The following TDRD12 variants were observed in gnomAD, a reference collection of about 807,000 sequenced individuals.
TDRD12 encodes putative ATP-dependent RNA helicase TDRD12.
A neutral mutation model predicts 133.5 loss-of-function variants in TDRD12; 158 were observed. That is an observed-to-expected ratio of 1.18 (90% CI 1.04 to 1.35). The LOEUF is 1.35. TDRD12 is among the 40% of genes most tolerant of loss of function. The pLI, the probability that TDRD12 is intolerant of heterozygous loss-of-function variation, is 0.00. For synonymous variants in TDRD12, 460 were observed against 477.9 expected (o/e 0.96, Z 0.49); for missense variants, 1,443 against 1,321.3 (o/e 1.09, Z -1.43).
At chr19:32,794,850 G>T in intron 14 of TDRD12, 37 bp downstream of exon 14, 1 of 688,408 alleles carries the variant, frequency 1.5e-6, no homozygotes, top group Non-Finnish European at 2.6e-6. Context: ...AACCAAATGG[G>T]TTAAATATTT....
At chr19:32,757,047 G>T in exon 8 of TDRD12, 1 of 1,551,464 alleles carries the variant, frequency 6.4e-7, no homozygotes. Context: ...GATTCACATG[G>T]TGTAAATTTT....
At position 32,790,956 on chromosome 19, in the gene TDRD12, T is replaced by C; in HGVS notation, c.1183-8T>C. ...GACACTGGTTGTCTAATGCACACGT[T>C]CTCTCAGTTGCAGAAGCTGAAGGGC... On this transcript the variant is annotated splice_region_variant and splice_polypyrimidine_tract_variant and intron_variant, in intron 12 of 27. Transcript: ENST00000444215. 6.5e-7 allele frequency: 1 copy of C among 1,535,170 alleles called. No individual in the cohort carries two copies. Among genetic ancestry groups the C allele is most frequent in the Non-Finnish European group, 8.7e-7 (1 of 1,146,702 alleles).
In TDRD12 at chr19:32,826,489, G is replaced by A. The variant is rs184635180; in HGVS notation, c.941G>A (p.Arg314Gln). The change falls in exon 9 of 10, where the codon CGG becomes CAG. Residue 314 changes from arginine (R) to glutamine (Q), a missense_variant. Physicochemically the swap from Arg to Gln is conservative, Grantham distance 43. Transcript: ENST00000637289. ...TTTTACCTGGCTGATCTGGAGCTGC[G>A]GGGCAACATAAGGAAAGATGACTGC... The A allele has an allele frequency of 2.4e-4, 297 of 1,251,440 alleles. No homozygotes were observed. In the East Asian group the frequency reaches 3.8e-3, roughly 16 times the overall value. The allele number at this position is 1,251,440 out of a possible 1,614,324, so 77.5% of individuals were successfully genotyped here.
chr19:32,784,949 G>T (rs964703124), intron 11 of TDRD12, among the ~76,000 whole-genome samples: 4 of 151,914 alleles, frequency 2.6e-5, no homozygotes, highest in Non-Finnish European at 5.9e-5. Flanking sequence ...TAGATTCATT[G>T]ATTTTTTTGA....
chr19:32,810,032 G>C (rs1052256493), intron 22 of TDRD12, 61 bp from the exon 23 acceptor site: 1 of 1,057,168 alleles, frequency 9.5e-7, no homozygotes, highest in Non-Finnish European at 1.3e-6. Context: ...TACAGGGAAT[G>C]TGTACATATC....
At chr19:32,746,547 A>T (rs1300159474) in intron 4 of TDRD12, among the ~76,000 whole-genome samples, 8 of 131,404 alleles carry the variant, frequency 6.1e-5, no homozygotes, top group South Asian at 2.6e-4. Flanking sequence ...GGGGAGAGAG[A>T]CTGGCTGATG....
In TDRD12 at chr19:32,724,403, T is replaced by C. The variant is rs528272591; in HGVS notation, c.24+4307T>C. 3.3e-5 allele frequency among the ~76,000 whole-genome samples: 5 copies of C among 152,194 alleles called. No homozygotes were observed. In the South Asian group the frequency reaches 1.0e-3, roughly 32 times the overall value. On this transcript the variant is annotated intron_variant, in intron 1 of 27. Coordinates refer to ENST00000444215, the Ensembl canonical transcript of TDRD12. ...CTCCCCTCTGTCCCATAGGCCCCAG[T>C]GTGTGGTTCCCCTCCCTGTGTCCAT... is the stretch of plus-strand genomic sequence containing the variant.
chr19:32,790,258 A>G (rs1183767081), intron 11 of TDRD12, among the ~76,000 whole-genome samples: 1 of 152,216 alleles, frequency 6.6e-6, no homozygotes, highest in African/African-American at 2.4e-5. Context: ...TTTCTCATCC[A>G]TAAAATAAAG....
At chr19:32,796,517 G>A (rs1157130214) in intron 14 of TDRD12, among the ~76,000 whole-genome samples, 2 of 151,992 alleles carry the variant, frequency 1.3e-5, no homozygotes, top group Non-Finnish European at 2.9e-5. Context: ...CCTGGGAGGC[G>A]GAGGTTGCGG....
exon 3 of TDRD12, chr19:32,738,878 A>G (rs1969304765): frequency 6.4e-7 from 1 of 1,551,330 alleles, no homozygotes; most frequent in Non-Finnish European, 8.7e-7. Context: ...TATTGTGAGG[A>G]GCTAAAGTGC....
intron 22 of TDRD12, among the ~76,000 whole-genome samples, chr19:32,809,451 C>T (rs1387130172): frequency 6.6e-6 from 1 of 152,218 alleles, no homozygotes; most frequent in East Asian, 1.9e-4. Context: ...CCGGTCCTCT[C>T]CCCTATCCTG....
chr19:32,773,465 T>C, exon 10 of TDRD12: 1 of 1,551,786 alleles, frequency 6.4e-7, no homozygotes, highest in Non-Finnish European at 8.7e-7. Context: ...GCGTGTTGAA[T>C]CCTCAGTGTA....
At chr19:32,802,756 G>C in exon 20 of TDRD12, 1 of 1,536,678 alleles carries the variant, frequency 6.5e-7, no homozygotes, top group Non-Finnish European at 8.7e-7. Context: ...GTGGACGCCT[G>C]TATTGCATGT....
intron 6 of TDRD12, among the ~76,000 whole-genome samples, chr19:32,752,469 C>T (rs1280922545): frequency 6.6e-6 from 1 of 152,146 alleles, no homozygotes; most frequent in African/African-American, 2.4e-5. Context: ...CGTGAGCCAC[C>T]GTGCCTGGCC....
intron 1 of TDRD12, among the ~76,000 whole-genome samples, chr19:32,724,660 T>G (rs937373900): frequency 2.0e-5 from 3 of 152,216 alleles, no homozygotes; most frequent in Non-Finnish European, 4.4e-5. Flanking sequence ...GTCTTTGCTA[T>G]TGTGACTAGT....
intron 1 of TDRD12, among the ~76,000 whole-genome samples, chr19:32,721,958 C>T (rs561860123): frequency 3.5e-4 from 53 of 151,756 alleles, no homozygotes; most frequent in East Asian, 1.9e-4. Flanking sequence ...CCTCGTGATC[C>T]ACCCGCCTCG....
intron 6 of TDRD12, among the ~76,000 whole-genome samples, chr19:32,750,430 T>A (rs1969789696): frequency 6.6e-6 from 1 of 152,170 alleles, no homozygotes; most frequent in Non-Finnish European, 1.5e-5. Context: ...TAACCATGGA[T>A]TTTTTAAAAA....
intron 8 of TDRD12, among the ~76,000 whole-genome samples, chr19:32,770,374 G>T (rs1254464804): frequency 6.6e-6 from 1 of 151,782 alleles, no homozygotes; most frequent in Non-Finnish European, 1.5e-5. Flanking sequence ...GCCTCCTCTT[G>T]AATTGACCAT....
intron 8 of TDRD12, 24 bp from the exon 9 acceptor site, chr19:32,772,725 CTTTT>C: frequency 7.3e-7 from 1 of 1,378,198 alleles, no homozygotes. Context: ...TTTGGTGTAG[CTTTT>C]TTATTACCAT....
Sources: gnomAD v4.1 joint callset for allele counts (sites outside exome capture counted in the v4.1 genomes callset) on GRCh38, gnomAD v4.1.1 for gene constraint, MANE v1.5 for transcripts, NCBI Gene and HGNC (gene_info 2026-07-23, HGNC 2026-07-21) for gene names.